The following GLB1 variants were observed in gnomAD, a reference collection of about 807,000 sequenced individuals.
GLB1 encodes beta-galactosidase.
GLB1 carries 56 observed loss-of-function variants against 74.0 expected under a neutral mutation model. The ratio of observed to expected loss-of-function variants is 0.76; its 90% CI spans 0.61 to 0.94. The LOEUF (loss-of-function observed/expected upper bound fraction) is 0.94, where lower values mean the gene tolerates loss of function less well. Among genes scored for constraint, GLB1 ranks in the 40% least tolerant of loss-of-function variants. The pLI, the probability that GLB1 is intolerant of heterozygous loss-of-function variation, is 0.00. For synonymous variants in GLB1, 323 were observed against 323.6 expected (o/e 1.00, Z 0.02); for missense variants, 787 against 845.5 (o/e 0.93, Z 0.86).
intron 1 of GLB1, among the ~76,000 whole-genome samples, chr3:33,078,533 G>A (rs778624062): frequency 3.6e-4 from 55 of 152,082 alleles, no homozygotes; most frequent in Non-Finnish European, 3.5e-4. Flanking sequence ...AATTGAACCC[G>A]AATCTAATAA....
At chr3:33,036,863 G>A (rs549188679) in intron 10 of GLB1, among the ~76,000 whole-genome samples, 2 of 152,276 alleles carry the variant, frequency 1.3e-5, no homozygotes, top group South Asian at 4.1e-4. Context: ...AGAAGCTGAG[G>A]AGAGGGTGAC....
In GLB1 at chr3:33,087,574, T is replaced by TGCGC. The variant is rs143221303; in HGVS notation, c.75+9433_75+9436dup. The stretch of plus-strand genomic sequence containing the variant: ...GACAGAGCAAGACCATGTCTCAGCA[T>TGCGC]GCGCGCACACACACACACACACACA... On this transcript the variant is annotated intron_variant, in intron 1 of 15. Coordinates refer to ENST00000307363, the MANE Select transcript of GLB1 (RefSeq NM_000404.4). 6.0e-3 allele frequency among the ~76,000 whole-genome samples: 309 copies of TGCGC among 51,818 alleles called. 7 individuals carry two copies. Among genetic ancestry groups the TGCGC allele is most frequent in the South Asian group, 0.019 (22 of 1,162 alleles). 34.0% of individuals were successfully genotyped at this position (51,818 alleles called of 152,430 possible).
Position 32,996,664 on chromosome 3 carries a change from G to A in GLB1, c.*381C>T, listed in dbSNP as rs930042878. ...GAAGTGGTTTATTCAGCCCACTCAAGTCTAGTTATGATTTAAGTCAGACCA... is the reference window on the plus strand; with the variant it reads ...GAAGTGGTTTATTCAGCCCACTCAAATCTAGTTATGATTTAAGTCAGACCA... On this transcript the variant is annotated 3_prime_UTR_variant, in exon 16 of 16. Transcript: ENST00000307363. The A allele has an allele frequency of 1.3e-5, 4 of 300,782 alleles. No individual in the cohort carries two copies. The highest frequency in any genetic ancestry group is 1.9e-5 in the Non-Finnish European group (3 of 155,502). 18.6% of individuals were successfully genotyped at this position (300,782 alleles called of 1,614,324 possible).
the GLB1 span, among the ~76,000 whole-genome samples, chr3:32,963,308 G>A: frequency 6.6e-6 from 1 of 152,072 alleles, no homozygotes; most frequent in Middle Eastern, 3.2e-3. Flanking sequence ...ATATTTAAAT[G>A]TAAAAATTGG....
chr3:33,048,479 T>C (rs1559399409), intron 9 of GLB1, among the ~76,000 whole-genome samples: 2 of 152,156 alleles, frequency 1.3e-5, no homozygotes. Flanking sequence ...TAGGCAGCCA[T>C]CACACAGCTG....
chr3:33,076,091 T>A (rs371978720), intron 1 of GLB1, among the ~76,000 whole-genome samples: 1 of 150,504 alleles, frequency 6.6e-6, no homozygotes, highest in African/African-American at 2.4e-5. Flanking sequence ...CAGACATTCA[T>A]GTTTTAATTG....
chr3:33,095,588 G>A (rs936472654), intron 1 of GLB1, among the ~76,000 whole-genome samples: 1 of 152,136 alleles, frequency 6.6e-6, no homozygotes, highest in Non-Finnish European at 1.5e-5. Context: ...CCCTGTGTGG[G>A]CCTCAGGTAT....
intron 1 of GLB1, among the ~76,000 whole-genome samples, chr3:33,079,596 A>T (rs552141999): frequency 6.6e-6 from 1 of 152,330 alleles, no homozygotes; most frequent in East Asian, 1.9e-4. Context: ...AGACTGATAA[A>T]ATGAATTATG....
intron 15 of GLB1, among the ~76,000 whole-genome samples, chr3:33,009,365 C>G (rs1381081179): frequency 6.6e-6 from 1 of 151,144 alleles, no homozygotes; most frequent in Non-Finnish European, 1.5e-5. Flanking sequence ...CTACTAAAAA[C>G]ACAAAAATCA....
chr3:32,990,770 G>A, the GLB1 span, among the ~76,000 whole-genome samples: 25 of 152,220 alleles, frequency 1.6e-4, no homozygotes, highest in Admixed American at 5.9e-4. Flanking sequence ...TCAGGAGATC[G>A]AGACCATCCT....
intron 15 of GLB1, among the ~76,000 whole-genome samples, chr3:33,011,374 T>C (rs1697014906): frequency 6.6e-6 from 1 of 151,674 alleles, no homozygotes. Flanking sequence ...CCTAGCACTT[T>C]TCGAGACTTC....
chr3:33,038,251 T>C (rs1698365440), intron 10 of GLB1, among the ~76,000 whole-genome samples: 1 of 152,158 alleles, frequency 6.6e-6, no homozygotes, highest in Admixed American at 6.5e-5. Context: ...ACACGGAAAT[T>C]GTAAGACTGG....
At chr3:32,969,510 G>T in the GLB1 span, among the ~76,000 whole-genome samples, 1 of 152,130 alleles carries the variant, frequency 6.6e-6, no homozygotes, top group African/African-American at 2.4e-5. Context: ...AAATAGAAAG[G>T]CAGACAAAGA....
chr3:33,042,265 C>T (rs1698531726), intron 10 of GLB1, among the ~76,000 whole-genome samples: 1 of 151,830 alleles, frequency 6.6e-6, no homozygotes, highest in Non-Finnish European at 1.5e-5. Context: ...CTCAACTCCT[C>T]AATGGATTCC....
intron 10 of GLB1, among the ~76,000 whole-genome samples, chr3:33,042,209 C>T (rs890283269): frequency 8.5e-5 from 13 of 152,116 alleles, no homozygotes; most frequent in African/African-American, 3.1e-4. Context: ...AATCTCAACA[C>T]AGCAGCTGGA....
At chr3:33,035,431 CA>C (rs373440841) in intron 10 of GLB1, among the ~76,000 whole-genome samples, 12 of 145,434 alleles carry the variant, frequency 8.3e-5, no homozygotes, top group South Asian at 2.2e-4. Context: ...GACACTGTCT[CA>C]AAAAAAAAAG....
intron 6 of GLB1, among the ~76,000 whole-genome samples, chr3:33,055,356 G>C (rs1343552106): frequency 2.6e-5 from 4 of 152,136 alleles, no homozygotes; most frequent in Non-Finnish European, 5.9e-5. Flanking sequence ...GCTGTGATGA[G>C]AAGCCTGGCC....
chr3:32,978,765 C>CTTTTTTTT, the GLB1 span, among the ~76,000 whole-genome samples: 3 of 126,072 alleles, frequency 2.4e-5, no homozygotes, highest in African/African-American at 3.0e-5. Flanking sequence ...TTCTTTCTTT[C>CTTTTTTTT]TTTTTTTTTT....
intron 1 of GLB1, among the ~76,000 whole-genome samples, chr3:33,084,680 C>CT (rs1700439919): frequency 6.6e-6 from 1 of 151,970 alleles, no homozygotes. Flanking sequence ...AATGTGCCCC[C>CT]TCATCTCAGA....
Sources: allele counts gnomAD v4.1 joint callset (sites outside exome capture counted in the v4.1 genomes callset), GRCh38; gene constraint gnomAD v4.1.1; transcripts MANE v1.5; gene names NCBI Gene and HGNC (gene_info 2026-07-23, HGNC 2026-07-21).